The following ATG4D variants were observed in gnomAD, a reference collection of about 807,000 sequenced individuals.
ATG4D encodes the protein cysteine protease ATG4D.
Under a neutral mutation model 55.2 loss-of-function variants are expected in ATG4D, and 51 were observed. The ratio of observed to expected loss-of-function variants is 0.92; its 90% confidence interval spans 0.74 to 1.17. ATG4D has a LOEUF of 1.17. ATG4D is among the 50% of genes most tolerant of loss of function. The pLI is 0.00. For missense variants in ATG4D, 635 were observed against 649.6 expected (o/e 0.98, Z 0.25); for synonymous variants, 268 against 266.2 (o/e 1.01, Z -0.07).
At position 10,553,030 on chromosome 19, in the gene ATG4D, C is replaced by G; in HGVS notation, c.1388C>G (p.Ala463Gly). The G allele has an allele frequency of 6.2e-7, 1 of 1,611,574 alleles. No homozygotes were observed. The change falls in exon 10 of 10, where the codon GCC becomes GGC. Residue 463 changes from alanine to glycine, a missense_variant. Coordinates refer to ENST00000309469, the MANE Select transcript of ATG4D (RefSeq NM_032885.6). ...CCTCGCACAGGGCGGCTCCTCAGGG[C>G]CAAACGCCCCAGCTCTGAGGACTTT... ...RLPRTGRLLR[A>G]KRPSSEDFVF...
chr19:10,544,737 A>G (rs747805618), intron 1 of ATG4D, 46 bp from the exon 2 acceptor site: 1 of 1,610,102 alleles, frequency 6.2e-7, no homozygotes, highest in African/African-American at 1.3e-5. Context: ...TGTTGCTGTC[A>G]TGCAAGTGCT....
intron 5 of ATG4D, among the ~76,000 whole-genome samples, chr19:10,547,898 T>C (rs1398731788): frequency 6.9e-6 from 1 of 145,056 alleles, no homozygotes; most frequent in Non-Finnish European, 1.5e-5. Context: ...GGTTTCACCA[T>C]GTTGACAAGG....
At chr19:10,546,304 A>G (rs1382840825) in intron 3 of ATG4D, among the ~76,000 whole-genome samples, 1 of 152,044 alleles carries the variant, frequency 6.6e-6, no homozygotes, top group Non-Finnish European at 1.5e-5. Context: ...AGTCTGGATG[A>G]CAGTGAGATC....
At position 10,544,845 on chromosome 19, in the gene ATG4D, C is replaced by T. The variant is rs1299625639; in HGVS notation, c.298C>T (p.Arg100Cys). ...KISSIHLCGR[R>C]YRFEGEGDIQ... is the part of the protein sequence containing the mutation. ...CTCCAGCATCCACCTCTGTGGCCGC[C>T]GCTACCGTTTCGAGGGCGAGGGTGA... The change falls in exon 2 of 10, where the codon CGC (arginine) becomes TGC (cysteine). Residue 100 changes from arginine to cysteine, a missense_variant. Transcript: ENST00000309469. 3 of 1,612,558 alleles carry T rather than the reference C, an allele frequency of 1.9e-6. No individual in the cohort carries two copies. Among genetic ancestry groups the T allele is most frequent in the African/African-American group, 1.3e-5 (1 of 74,928 alleles).
At chr19:10,545,168 G>A in intron 3 of ATG4D, 38 bp downstream of exon 3, 1 of 1,595,804 alleles carries the variant, frequency 6.3e-7, no homozygotes, top group South Asian at 1.1e-5. Flanking sequence ...TAGGAGTACA[G>A]GGTCAACTGC....
chr19:10,547,138 C>T (rs772004623), intron 4 of ATG4D, 23 bp downstream of exon 4: 14 of 1,610,008 alleles, frequency 8.7e-6, no homozygotes, highest in South Asian at 4.4e-5. Flanking sequence ...GCAGGGATCA[C>T]GGGAGTTGCT....
intron 5 of ATG4D, among the ~76,000 whole-genome samples, chr19:10,547,513 A>G (rs1403559200): frequency 6.6e-6 from 1 of 150,872 alleles, no homozygotes; most frequent in Non-Finnish European, 1.5e-5. Context: ...CTGTAGTCTC[A>G]GCTACTTGGG....
rs1210585936 is a variant in ATG4D at position 10,544,301 on chromosome 19, A to G, written c.211A>G (p.Thr71Ala). 2 of 1,303,448 alleles carry G rather than the reference A, an allele frequency of 1.5e-6. No homozygotes were observed. The highest frequency in any genetic ancestry group is 6.6e-5 in the Admixed American group (2 of 30,334). The allele number at this position is 1,303,448 out of a possible 1,614,324, so 80.7% of individuals were successfully genotyped here. ...EVDKFKAKFLTAWNNVKYGWV... is the reference protein window; with the variant it reads ...EVDKFKAKFLAAWNNVKYGWV... ...GGACAAGTTCAAGGCCAAGTTCCTG[A>G]CAGCCTGGAACAACGTCAAGTACGG... is the stretch of plus-strand genomic sequence containing the variant. The change falls in exon 1 of 10, where the codon ACA (threonine) becomes GCA (alanine). Residue 71 changes from threonine (T) to alanine (A), a missense_variant. Transcript: ENST00000309469.
rs777809521 is a variant in ATG4D at position 10,544,339 on chromosome 19, C to G, written c.235+14C>G. Reference sequence around the variant, plus strand: ...ACGTCAAGTACGGTGAGGAGGGGGCCCGGAGATCGTGGGGGTGTCGGGGGC... The same window carrying G: ...ACGTCAAGTACGGTGAGGAGGGGGCGCGGAGATCGTGGGGGTGTCGGGGGC... On this transcript the variant is annotated intron_variant, in intron 1 of 9. Coordinates refer to ENST00000309469, the MANE Select transcript of ATG4D (RefSeq NM_032885.6). 8 of 1,312,930 alleles carry G rather than the reference C, an allele frequency of 6.1e-6. No homozygotes were observed. The highest frequency in any genetic ancestry group is 3.0e-5 in the African/African-American group (2 of 66,244). The allele number at this position is 1,312,930 out of a possible 1,614,324, so 81.3% of individuals were successfully genotyped here.
intron 6 of ATG4D, among the ~76,000 whole-genome samples, chr19:10,550,406 G>A (rs1244169355): frequency 6.6e-6 from 1 of 152,182 alleles, no homozygotes; most frequent in Non-Finnish European, 1.5e-5. Context: ...CAAATGAGGA[G>A]CCAGAGGAGA....
intron 9 of ATG4D, 58 bp from the exon 10 acceptor site, chr19:10,552,827 G>A (rs532752390): frequency 9.7e-5 from 148 of 1,530,986 alleles, no homozygotes; most frequent in Non-Finnish European, 1.3e-4. Flanking sequence ...ATAAACCTGG[G>A]CTAAGGAATA....
intron 6 of ATG4D, among the ~76,000 whole-genome samples, 199 bp from the exon 7 acceptor site, chr19:10,551,697 CA>C (rs35373422): frequency 0.26 from 23,648 of 92,730 alleles, 2,077 homozygotes; most frequent in Non-Finnish European, 0.33. Flanking sequence ...GACTCCGTCT[CA>C]AAAAAAAAAA....
At chr19:10,546,740 G>A (rs997799459) in intron 3 of ATG4D, 99 bp from the exon 4 acceptor site, 8 of 1,205,990 alleles carry the variant, frequency 6.6e-6, no homozygotes, top group Admixed American at 2.5e-5. Context: ...GTTGAATTAC[G>A]GGGTTCAGGA....
At chr19:10,547,968 A>C (rs2144688776) in intron 5 of ATG4D, among the ~76,000 whole-genome samples, 1 of 129,050 alleles carries the variant, frequency 7.7e-6, no homozygotes, top group African/African-American at 2.9e-5. Flanking sequence ...AAGTGCTGGG[A>C]TTACAAGCTT....
At position 10,547,257 on chromosome 19, in the gene ATG4D, A is replaced by G. The variant is rs1469433908; in HGVS notation, c.835+4A>G. 1 of 1,611,086 alleles carries G rather than the reference A, an allele frequency of 6.2e-7. No homozygotes were observed. Among genetic ancestry groups the G allele is most frequent in the East Asian group, 2.2e-5 (1 of 44,764 alleles). Reference sequence around the variant, plus strand: ...TACGTTTCTCAGGACTGCACAGGTAAGGGGCTGGGAGCCAAGATCACAGGG... The same window carrying G: ...TACGTTTCTCAGGACTGCACAGGTAGGGGGCTGGGAGCCAAGATCACAGGG... On this transcript the variant is annotated splice_donor_region_variant and intron_variant, in intron 5 of 9. Coordinates refer to ENST00000309469, the MANE Select transcript of ATG4D (RefSeq NM_032885.6).
chr19:10,546,500 C>G (rs908844718), intron 3 of ATG4D, among the ~76,000 whole-genome samples: 2 of 151,310 alleles, frequency 1.3e-5, no homozygotes, highest in African/African-American at 4.8e-5. Flanking sequence ...TGCCCGCCAC[C>G]ACGCTTGTCT....
intron 5 of ATG4D, among the ~76,000 whole-genome samples, chr19:10,547,769 T>C (rs944206608): frequency 6.6e-5 from 10 of 150,404 alleles, no homozygotes; most frequent in Non-Finnish European, 1.3e-4. Context: ...CGATCTCGGC[T>C]CACTGCAACC....
chr19:10,546,809 A>G lies in ATG4D; in HGVS notation c.494-30A>G, dbSNP rs535358963. ...GGACCTCTGCCCCCCACACACTAGC[A>G]CTGTTTGACTATGTGCTCCATTCCA... On this transcript the variant is annotated intron_variant, in intron 3 of 9. Coordinates refer to ENST00000309469, the MANE Select transcript of ATG4D (RefSeq NM_032885.6). 11 of 1,541,334 alleles carry G rather than the reference A, an allele frequency of 7.1e-6. No individual in the cohort carries two copies. In the East Asian group the frequency reaches 2.3e-4, roughly 32 times the overall value.
At position 10,544,008 on chromosome 19, in the gene ATG4D, C is replaced by T; in HGVS notation, c.-83C>T. On this transcript the variant is annotated 5_prime_UTR_variant, in exon 1 of 10. Coordinates refer to ENST00000309469, the MANE Select transcript of ATG4D (RefSeq NM_032885.6). ...GCCGAGTAGCGCCTTCCCCGGGCCCCGTGAACCGGCTGCGGGTCGCCCTTG... is the reference window on the plus strand; with the variant it reads ...GCCGAGTAGCGCCTTCCCCGGGCCCTGTGAACCGGCTGCGGGTCGCCCTTG... 6.1e-6 allele frequency: 6 copies of T among 989,604 alleles called. No homozygotes were observed. Among genetic ancestry groups the T allele is most frequent in the Admixed American group, 4.4e-5 (1 of 22,882 alleles). The allele number at this position is 989,604 out of a possible 1,614,324, so 61.3% of individuals were successfully genotyped here. A position where few individuals can be genotyped will look rare whatever the true frequency, so the allele number is the denominator to read the frequency against.
Sources: allele counts gnomAD v4.1 joint callset (sites outside exome capture counted in the v4.1 genomes callset), GRCh38; gene constraint gnomAD v4.1.1; transcripts MANE v1.5; gene names NCBI Gene and HGNC (gene_info 2026-07-23, HGNC 2026-07-21).